KMT2D: variants seen among roughly 807,000 people sequenced by gnomAD.
The protein encoded by KMT2D is histone-lysine N-methyltransferase 2D.
In KMT2D, 55 loss-of-function variants were observed where a neutral mutation model predicts 512.7. The observed-to-expected ratio is 0.11, with a 90% CI of 0.09 to 0.13. The LOEUF (loss-of-function observed/expected upper bound fraction) is 0.13. Among genes scored for constraint, KMT2D ranks in the 10% least tolerant of loss-of-function variants. KMT2D has a pLI of 1.00. For missense variants in KMT2D, 6,061 were observed against 7,127.9 expected, an observed-to-expected ratio of 0.85 and a Z score of 5.39; for synonymous variants, 2,995 against 2,904.0, an observed-to-expected ratio of 1.03 and a Z score of -1.01.
In KMT2D at chr12:49,018,995, TTTTA is replaced by T; in HGVS notation, c.*2781_*2784del. The T allele has an allele frequency of 7.1e-7, 1 of 1,403,144 alleles. No individual in the cohort carries two copies. Among genetic ancestry groups the T allele is most frequent in the Non-Finnish European group, 9.2e-7 (1 of 1,082,854 alleles). 86.9% of individuals were successfully genotyped at this position (1,403,144 alleles called of 1,614,324 possible). On this transcript the variant is annotated 3_prime_UTR_variant, in exon 55 of 55. Transcript: ENST00000301067. ...GCCGCTTGTATTTAAAATGTTCTTT[TTTTA>T]TTTGTCGTTTAAAAACAAACTTGGA...
rs527664031 is a variant in KMT2D, at chr12:49,047,531, C to T, written c.4236+434G>A. The stretch of plus-strand genomic sequence containing the variant: ...CTCCTGGGTTCAAGCAATTCTCCTG[C>T]CTCAGCCTCCCGAGTTGCTGAGATT... On this transcript the variant is annotated intron_variant, in intron 15 of 54. Transcript: ENST00000301067. Among the ~76,000 whole-genome samples the T allele has an allele frequency of 9.3e-5, 14 of 150,976 alleles. No individual in the cohort carries two copies. The South Asian group carries it at 1.7e-3, about 18-fold the overall frequency.
chr12:49,023,438 T>C (rs576513755), intron 51 of KMT2D, among the ~76,000 whole-genome samples: 37 of 152,340 alleles, frequency 2.4e-4, no homozygotes, highest in African/African-American at 5.8e-4. Flanking sequence ...TGACATAACA[T>C]TGGGCTCTGT....
In KMT2D at chr12:49,033,688, G is replaced by C. The variant is rs1943069975; in HGVS notation, c.11017C>G (p.Leu3673Val). 6.2e-7 allele frequency: 1 copy of C among 1,613,632 alleles called. No homozygotes were observed. Among genetic ancestry groups the C allele is most frequent in the Admixed American group, 1.7e-5 (1 of 60,014 alleles). The change falls in exon 40 of 55, where the codon CTT becomes GTT. Residue 3673 changes from leucine (L) to valine (V), a missense_variant. Coordinates refer to ENST00000301067, the MANE Select transcript of KMT2D (RefSeq NM_003482.4). ...TGCTGTTGGGCCAGAGCTGTATTAA[G>C]GAAGGGGCCACCAGGCTGTCCAGGT... ...ALPGQPGGPF[L>V]NTALAQQQQQ...
At chr12:49,052,536 A>G in intron 10 of KMT2D, 28 bp downstream of exon 10, 2 of 1,608,834 alleles carry the variant, frequency 1.2e-6, no homozygotes, top group Non-Finnish European at 1.7e-6. Context: ...AAGGGGATGA[A>G]TTTCAGGGAC....
Position 49,042,038 on chromosome 12 carries a change from T to C in KMT2D, c.6110-48A>G, listed in dbSNP as rs751838559. Reference sequence around the variant, plus strand: ...CAGAGAAGACTTGGCAGGCGACTCCTCCACCTGCCATGTTGCCAGGCTGTC... The same window carrying C: ...CAGAGAAGACTTGGCAGGCGACTCCCCCACCTGCCATGTTGCCAGGCTGTC... On this transcript the variant is annotated intron_variant, in intron 29 of 54. Coordinates refer to ENST00000301067, the MANE Select transcript of KMT2D (RefSeq NM_003482.4). The surrounding 1 kb of genome is among the most constrained non-coding windows in gnomAD (Gnocchi z 4.4). The C allele has an allele frequency of 6.2e-7, 1 of 1,611,620 alleles. No homozygotes were observed.
In KMT2D at chr12:49,026,891, T is replaced by C. The variant is rs2120364277; in HGVS notation, c.15075A>G (p.Val5025=). 1 of 1,614,026 alleles carries C rather than the reference T, an allele frequency of 6.2e-7. No homozygotes were observed. The part of the protein sequence containing the change: ...QLGTALRPDK[V]PRDMRRCCFC... ...AACAGCAGCGACGCATGTCTCGCGG[T>C]ACCTTGTCAGGTCGCAAGGCTGTGC... The change falls in exon 49 of 55, where the codon GTA becomes GTG. Residue 5025 remains valine, a synonymous_variant. Transcript: ENST00000301067. This position sits in a 1 kb window ranked among gnomAD's most constrained non-coding sequence, Gnocchi z 9.6.
At chr12:49,058,577 C>G (rs1403155520) in intron 1 of KMT2D, among the ~76,000 whole-genome samples, 2 of 152,146 alleles carry the variant, frequency 1.3e-5, no homozygotes, top group East Asian at 3.8e-4. Flanking sequence ...CATACACACC[C>G]TTTCTCCCCA....
chr12:49,032,493 C>T lies in KMT2D; in HGVS notation c.12212G>A (p.Gly4071Glu). Residue 4071 changes from glycine to glutamate, a missense_variant, in exon 40 of 55, where the codon GGG becomes GAG. Gly to Glu is a moderately conservative substitution (Grantham distance 98). Transcript: ENST00000301067. ...EPGEVKPSLS[G>E]DSQLLLVQPQ... ...TTGGACAAGCAGGAGTTGTGAGTCC[C>T]CAGAGAGTGAGGGCTTTACCTCTCC... The T allele has an allele frequency of 1.9e-6, 3 of 1,571,790 alleles. No individual in the cohort carries two copies. Among genetic ancestry groups the T allele is most frequent in the Non-Finnish European group, 2.6e-6 (3 of 1,158,374 alleles).
chr12:49,058,319 T>C (rs768913184), intron 1 of KMT2D, among the ~76,000 whole-genome samples: 4 of 152,108 alleles, frequency 2.6e-5, no homozygotes, highest in African/African-American at 7.2e-5. Flanking sequence ...GAGAGCAGGA[T>C]TGACAGCTCA....
Position 49,032,395 on chromosome 12 carries a change from G to C in KMT2D, c.12310C>G (p.Gln4104Glu). Residue 4104 changes from glutamine (Q) to glutamate (E), a missense_variant, in exon 40 of 55, where the codon CAA becomes GAA. Gln to Glu is a conservative substitution (Grantham distance 29). Transcript: ENST00000301067. ...CCTGCTGTGTGGAGCAGGCTAACTT[G>C]CTGCTGCTGTTGTCCTGGAAGCCTC... ...PLRLPGQQQQ[Q>E]VSLLHTAGGG... 6.2e-7 allele frequency: 1 copy of C among 1,604,152 alleles called. No individual in the cohort carries two copies.
At position 49,027,210 on chromosome 12, in the gene KMT2D, G is replaced by T. The variant is rs1359947709; in HGVS notation, c.14756C>A (p.Ser4919Tyr). The T allele has an allele frequency of 6.7e-7, 1 of 1,500,844 alleles. No individual in the cohort carries two copies. 93.0% of individuals were successfully genotyped at this position (1,500,844 alleles called of 1,614,324 possible). A position where few individuals can be genotyped will look rare whatever the true frequency, so the allele number is the denominator to read the frequency against. Reference protein sequence around the residue: ...PPPEEPSPPPSPLAPSPASPP... With the variant: ...PPPEEPSPPPYPLAPSPASPP... ...ACTGGCAGGAGAAGGTGCCAAGGGG[G>T]AAGGGGGCGGGGAGGGTTCTTCAGG... Residue 4919 changes from serine to tyrosine, a missense_variant, in exon 49 of 55, where the codon TCC becomes TAC. This residue lies in a region of KMT2D where 1,600 missense variants were observed against 1,754.9 expected (regional missense o/e 0.91). Coordinates refer to ENST00000301067, the MANE Select transcript of KMT2D (RefSeq NM_003482.4).
Position 49,038,052 on chromosome 12 carries a change from G to C in KMT2D, c.9304C>G (p.Pro3102Ala), listed in dbSNP as rs892233811. 4.3e-6 allele frequency: 7 copies of C among 1,612,282 alleles called. No homozygotes were observed. The highest frequency in any genetic ancestry group is 2.7e-5 in the African/African-American group (2 of 74,896). The stretch of plus-strand genomic sequence containing the variant: ...CGGGGTTCAGAGGCATCAGCAGCAG[G>C]GGGAGGGCGCTCCTCAGGGCCCAAG... Reference protein sequence around the residue: ...GPLGPEERPPPAADASEPRLA... With the variant: ...GPLGPEERPPAAADASEPRLA... The change falls in exon 35 of 55, where the codon CCT becomes GCT. Residue 3102 changes from proline (P) to alanine (A), a missense_variant. Pro to Ala is a conservative substitution (Grantham distance 27). Around this residue, in one of 16 missense-constraint regions of KMT2D, gnomAD observed 533 missense variants for 539.6 expected, o/e 0.99. Coordinates refer to ENST00000301067, the MANE Select transcript of KMT2D (RefSeq NM_003482.4). The surrounding 1 kb of genome is among the most constrained non-coding windows in gnomAD (Gnocchi z 5.7).
At chr12:49,057,402 G>A (rs1484985388) in intron 1 of KMT2D, among the ~76,000 whole-genome samples, 1 of 152,182 alleles carries the variant, frequency 6.6e-6, no homozygotes, top group Non-Finnish European at 1.5e-5. Flanking sequence ...AGGCCAGAGG[G>A]GCAAATTCCT....
Position 49,027,846 on chromosome 12 carries a change from T to C in KMT2D, c.14600A>G (p.Tyr4867Cys), listed in dbSNP as rs923959182. 8 of 1,600,716 alleles carry C rather than the reference T, an allele frequency of 5.0e-6. No homozygotes were observed. The highest frequency in any genetic ancestry group is 6.8e-6 in the Non-Finnish European group (8 of 1,173,614). The change falls in exon 48 of 55, where the codon TAT becomes TGT. Residue 4867 changes from tyrosine to cysteine, a missense_variant. By Grantham distance (194) the Tyr-to-Cys change is radical (BLOSUM62 -2). Around this residue, in one of 16 missense-constraint regions of KMT2D, gnomAD observed 1,600 missense variants for 1,754.9 expected, o/e 0.91. Coordinates refer to ENST00000301067, the MANE Select transcript of KMT2D (RefSeq NM_003482.4). ...LKQFDAVLPG[Y>C]TLKSQLDILS... Reference sequence around the variant, plus strand: ...GATGTCTAGTTGGCTCTTCAGGGTATAGCCAGGCAACACTGCATCAAACTG... The same window carrying C: ...GATGTCTAGTTGGCTCTTCAGGGTACAGCCAGGCAACACTGCATCAAACTG...
chr12:49,055,048 A>T (rs748668278), intron 2 of KMT2D, 22 bp from the exon 3 acceptor site: 1 of 1,612,826 alleles, frequency 6.2e-7, no homozygotes, highest in Non-Finnish European at 8.5e-7. Flanking sequence ...GACAAACAGC[A>T]TGTGTCAGCC....
rs763262491 is a variant in KMT2D, at chr12:49,040,613, C to A, written c.7157G>T (p.Arg2386Leu). 1 of 1,612,586 alleles carries A rather than the reference C, an allele frequency of 6.2e-7. No homozygotes were observed. Among genetic ancestry groups the A allele is most frequent in the Non-Finnish European group, 8.5e-7 (1 of 1,179,468 alleles). ...GCTCTCAGGGGGCGGAGGTTGGGGC[C>A]GAGGAGTCAATGGGGGCTGAGCATA... ...DPYAQPPLTP[R>L]PQPPPPESCC... The change falls in exon 32 of 55, where the codon CGG becomes CTG. Residue 2386 changes from arginine (R) to leucine (L), a missense_variant. Arg to Leu is a moderately radical substitution (Grantham distance 102, BLOSUM62 -2). Around this residue, in one of 16 missense-constraint regions of KMT2D, gnomAD observed 710 missense variants for 647.3 expected, o/e 1.10. Coordinates refer to ENST00000301067, the MANE Select transcript of KMT2D (RefSeq NM_003482.4).
chr12:49,020,880 G>A lies in KMT2D; in HGVS notation c.*900C>T. Reference sequence around the variant, plus strand: ...GAGAAGGAAGTCCTAGAGCAACTAGGGGCCAGTCATCCCCAATCTTCATCA... The same window carrying A: ...GAGAAGGAAGTCCTAGAGCAACTAGAGGCCAGTCATCCCCAATCTTCATCA... On this transcript the variant is annotated 3_prime_UTR_variant, in exon 55 of 55. Transcript: ENST00000301067. 1 of 198,666 alleles carries A rather than the reference G, an allele frequency of 5.0e-6. No individual in the cohort carries two copies. Among genetic ancestry groups the A allele is most frequent in the Non-Finnish European group, 1.0e-5 (1 of 95,770 alleles). 12.3% of individuals were successfully genotyped at this position (198,666 alleles called of 1,614,324 possible).
In KMT2D at chr12:49,037,882, C is replaced by G. The variant is rs770522446; in HGVS notation, c.9474G>C (p.Gln3158His). Residue 3158 changes from glutamine to histidine, a missense_variant, in exon 35 of 55, where the codon CAG becomes CAC. Around this residue, in one of 16 missense-constraint regions of KMT2D, gnomAD observed 533 missense variants for 539.6 expected, o/e 0.99. Coordinates refer to ENST00000301067, the MANE Select transcript of KMT2D (RefSeq NM_003482.4). The part of the protein sequence containing the change: ...NSLGLGLKPG[Q>H]SMMGSRDTRM... Reference sequence around the variant, plus strand: ...GGGTATCCCGGCTGCCCATCATGCTCTGTCCTGGCTTTAGCCCCAGGCCAA... The same window carrying G: ...GGGTATCCCGGCTGCCCATCATGCTGTGTCCTGGCTTTAGCCCCAGGCCAA... 16 of 1,598,940 alleles carry G rather than the reference C, an allele frequency of 1.0e-5. No individual in the cohort carries two copies. The Admixed American group carries it at 2.8e-4, about 28-fold the overall frequency.
At position 49,042,008 on chromosome 12, in the gene KMT2D, T is replaced by G. The variant is rs1167852143; in HGVS notation, c.6110-18A>C. On this transcript the variant is annotated intron_variant, in intron 29 of 54. Transcript: ENST00000301067. This position sits in a 1 kb window ranked among gnomAD's most constrained non-coding sequence, Gnocchi z 4.4. Reference sequence around the variant, plus strand: ...TGACCAGTCTGGAGGGCAGAGAGAGTGAGTCAGAGAAGACTTGGCAGGCGA... The same window carrying G: ...TGACCAGTCTGGAGGGCAGAGAGAGGGAGTCAGAGAAGACTTGGCAGGCGA... 1.2e-6 allele frequency: 2 copies of G among 1,610,894 alleles called. No individual in the cohort carries two copies. The highest frequency in any genetic ancestry group is 1.7e-5 in the Admixed American group (1 of 59,540).
Sources: allele counts gnomAD v4.1 joint callset (sites outside exome capture counted in the v4.1 genomes callset), GRCh38; gene constraint gnomAD v4.1.1; regional missense constraint gnomAD v4.1.1; non-coding constraint Gnocchi (gnomAD v3.1); transcripts MANE v1.5; gene names NCBI Gene and HGNC (gene_info 2026-07-23, HGNC 2026-07-21).